The following C11orf65 variants were observed in gnomAD, a reference collection of about 807,000 sequenced individuals.
The protein encoded by C11orf65 is protein MFI.
C11orf65 carries 38 observed loss-of-function variants against 35.3 expected under a neutral mutation model. That is an observed-to-expected ratio of 1.08 (90% confidence interval 0.83 to 1.41). The LOEUF (loss-of-function observed/expected upper bound fraction) is 1.41, where lower values mean the gene tolerates loss of function less well. Ranked by LOEUF, C11orf65 falls within the 40% of genes most tolerant of loss-of-function variation. C11orf65 has a pLI of 0.00. For synonymous variants in C11orf65, 105 were observed against 114.4 expected (o/e 0.92, Z 0.53); for missense variants, 370 against 367.1 (o/e 1.01, Z -0.06).
chr11:108,318,030 G>A (rs185605042), intron 6 of C11orf65, among the ~76,000 whole-genome samples: 145 of 152,080 alleles, frequency 9.5e-4, no homozygotes, highest in Middle Eastern at 3.4e-3. Context: ...ATCCACAAAG[G>A]ACTGCTTATC....
intron 2 of C11orf65, among the ~76,000 whole-genome samples, chr11:108,455,680 G>C (rs2093402653): frequency 6.6e-6 from 1 of 151,996 alleles, no homozygotes; most frequent in African/African-American, 2.4e-5. Context: ...GTCAGGTGTG[G>C]CGGCACATGC....
intron 2 of C11orf65, among the ~76,000 whole-genome samples, chr11:108,458,431 C>T (rs1176327423): frequency 2.7e-5 from 4 of 149,532 alleles, no homozygotes; most frequent in Non-Finnish European, 5.9e-5. Flanking sequence ...GGTCTTTGTT[C>T]AGAGTCAGCA....
At chr11:108,376,131 C>T (rs227082) in intron 2 of C11orf65, among the ~76,000 whole-genome samples, 77,843 of 150,374 alleles carry the variant, frequency 0.52, 20,713 homozygotes, top group Middle Eastern at 0.72. Context: ...CTGCACCAAG[C>T]GGACCTAATA....
chr11:108,436,242 A>C (rs2093058743), intron 2 of C11orf65, among the ~76,000 whole-genome samples: 1 of 152,160 alleles, frequency 6.6e-6, no homozygotes, highest in South Asian at 2.1e-4. Flanking sequence ...CTGACGCTTG[A>C]TTTTAGCCCA....
At chr11:108,361,580 G>C (rs1213290206) in intron 2 of C11orf65, among the ~76,000 whole-genome samples, 1 of 151,872 alleles carries the variant, frequency 6.6e-6, no homozygotes, top group Non-Finnish European at 1.5e-5. Context: ...AAACAACATG[G>C]TACTGGTACC....
At chr11:108,373,327 G>A (rs567234740) in intron 2 of C11orf65, among the ~76,000 whole-genome samples, 17 of 152,180 alleles carry the variant, frequency 1.1e-4, no homozygotes, top group African/African-American at 3.9e-4. Context: ...ATCAAACTAG[G>A]AATAAAAGAC....
chr11:108,397,497 A>C (rs1448009139), intron 6 of C11orf65, among the ~76,000 whole-genome samples: 1 of 152,170 alleles, frequency 6.6e-6, no homozygotes, highest in South Asian at 2.1e-4. Flanking sequence ...TAAAACAACA[A>C]AGACCTAGGA....
intron 2 of C11orf65, among the ~76,000 whole-genome samples, chr11:108,441,244 G>C (rs1483572568): frequency 2.0e-5 from 3 of 152,180 alleles, no homozygotes; most frequent in Non-Finnish European, 4.4e-5. Context: ...GTCTGAGATT[G>C]AACTGCAAGG....
chr11:108,320,622 G>A (rs2085136258), intron 6 of C11orf65, among the ~76,000 whole-genome samples: 1 of 152,040 alleles, frequency 6.6e-6, no homozygotes, highest in Non-Finnish European at 1.5e-5. Flanking sequence ...TGTGAAAAAA[G>A]GCTTAGAGAA....
chr11:108,309,003 C>G, exon 7 of C11orf65: 1 of 1,528,730 alleles, frequency 6.5e-7, no homozygotes, highest in African/African-American at 1.4e-5. Context: ...TTGACATTAG[C>G]AGGAGTTGGA....
chr11:108,438,066 T>C (rs2164742), intron 2 of C11orf65, among the ~76,000 whole-genome samples: 2 of 152,172 alleles, frequency 1.3e-5, no homozygotes, highest in East Asian at 1.9e-4. Flanking sequence ...TATAGGCCAA[T>C]GGAATAGCAT....
intron 6 of C11orf65, among the ~76,000 whole-genome samples, chr11:108,398,605 A>G (rs967201418): frequency 5.9e-5 from 9 of 152,238 alleles, no homozygotes. Flanking sequence ...CTTCATGTGC[A>G]TTGGCTTATC....
chr11:108,394,780 G>A (rs2092264271), intron 6 of C11orf65, among the ~76,000 whole-genome samples: 1 of 152,192 alleles, frequency 6.6e-6, no homozygotes, highest in African/African-American at 2.4e-5. Flanking sequence ...TTGGTTCTGT[G>A]TTACATAATC....
chr11:108,381,935 GCTCTCT>G (rs34839130), downstream of C11orf65, among the ~76,000 whole-genome samples: 10 of 149,950 alleles, frequency 6.7e-5, no homozygotes, highest in Admixed American at 2.0e-4. Flanking sequence ...CTTCCTCCTT[GCTCTCT>G]CTCTCTCTCT....
chr11:108,427,806 C>T (rs1443176176), intron 3 of C11orf65, among the ~76,000 whole-genome samples: 5 of 145,620 alleles, frequency 3.4e-5, no homozygotes, highest in East Asian at 2.0e-4. Context: ...TACCATCTCA[C>T]GCCAGTTAGA....
intron 2 of C11orf65, among the ~76,000 whole-genome samples, chr11:108,449,804 A>G (rs1357355258): frequency 6.6e-6 from 1 of 152,038 alleles, no homozygotes; most frequent in Non-Finnish European, 1.5e-5. Flanking sequence ...ATTAAACTTA[A>G]GAGCTTCTGC....
chr11:108,354,681 A>G lies in C11orf65; in HGVS notation c.227-19389T>C, dbSNP rs2089664816. 3.5e-6 allele frequency: 3 copies of G among 846,970 alleles called. No homozygotes were observed. In the Admixed American group the frequency reaches 5.3e-5, roughly 15 times the overall value. 52.5% of individuals were successfully genotyped at this position (846,970 alleles called of 1,614,324 possible). On this transcript the variant is annotated intron_variant, in intron 2 of 3. Transcript: ENST00000524755. ...AGCCCACTCTGCCAAGTATTATGCTATTTTGAGATACAGATATGTAGATTA... is the reference window on the plus strand; with the variant it reads ...AGCCCACTCTGCCAAGTATTATGCTGTTTTGAGATACAGATATGTAGATTA...
At chr11:108,339,406 G>T (rs200085995) in intron 2 of C11orf65, among the ~76,000 whole-genome samples, 1 of 152,154 alleles carries the variant, frequency 6.6e-6, no homozygotes, top group Non-Finnish European at 1.5e-5. Flanking sequence ...TCTGGGGAGA[G>T]AAGCCATAAT....
At chr11:108,321,177 T>G in intron 6 of C11orf65, 1 of 1,276,360 alleles carries the variant, frequency 7.8e-7, no homozygotes, top group Non-Finnish European at 1.1e-6. Flanking sequence ...TCACTGTTGC[T>G]TGTTAGTATT....
Sources: allele counts gnomAD v4.1 joint callset (sites outside exome capture counted in the v4.1 genomes callset), GRCh38; gene constraint gnomAD v4.1.1; transcripts MANE v1.5; gene names NCBI Gene and HGNC (gene_info 2026-07-23, HGNC 2026-07-21).